RNF170: variants seen among roughly 807,000 people sequenced by gnomAD.
RNF170 encodes ring finger protein 170.
RNF170 carries 12 observed loss-of-function variants against 32.7 expected under a neutral mutation model. The ratio of observed to expected loss-of-function variants is 0.37; its 90% CI spans 0.24 to 0.60. The LOEUF (loss-of-function observed/expected upper bound fraction) is 0.60, where lower values mean the gene tolerates loss of function less well. RNF170 is among the 20% of genes least tolerant of loss of function. The pLI is 0.72. For missense variants in RNF170, 212 were observed against 311.2 expected (o/e 0.68, Z 2.40); for synonymous variants, 91 against 103.6 (o/e 0.88, Z 0.74).
At chr8:42,875,728 C>T (rs1013074936) in intron 2 of RNF170, among the ~76,000 whole-genome samples, 3 of 152,100 alleles carry the variant, frequency 2.0e-5, no homozygotes, top group Non-Finnish European at 4.4e-5. Context: ...GGGCACGTGC[C>T]ACCATGCCTG....
rs913678158 is a variant in RNF170, at chr8:42,855,135, A to G, written c.*1024T>C. On this transcript the variant is annotated 3_prime_UTR_variant, in exon 7 of 7. Coordinates refer to ENST00000527424, the MANE Select transcript of RNF170 (RefSeq NM_030954.4). ...TTCCTAAAACAATCTTCCCTTTACA[A>G]ATTACTTTTATATCTACTACGAAAG... 1.4e-5 allele frequency: 18 copies of G among 1,287,050 alleles called. No individual in the cohort carries two copies. The highest frequency in any genetic ancestry group is 3.2e-4 in the Middle Eastern group (1 of 3,086). 79.7% of individuals were successfully genotyped at this position (1,287,050 alleles called of 1,614,324 possible).
In RNF170 at chr8:42,869,966, C is replaced by T. The variant is rs1378809923; in HGVS notation, c.322+38G>A. On this transcript the variant is annotated intron_variant, in intron 4 of 6. Transcript: ENST00000527424. ...TTGTACACATAGAGGTCTTGGTCTA[C>T]ACAGTCACTTTTCCCAAGTATAGCG... is the stretch of plus-strand genomic sequence containing the variant. The T allele has an allele frequency of 2.1e-6, 3 of 1,450,644 alleles. No individual in the cohort carries two copies. In the Admixed American group the frequency reaches 5.1e-5, roughly 25 times the overall value. 89.9% of individuals were successfully genotyped at this position (1,450,644 alleles called of 1,614,324 possible).
chr8:42,869,852 T>C, intron 4 of RNF170, 152 bp downstream of exon 4: 1 of 694,046 alleles, frequency 1.4e-6, no homozygotes, highest in Non-Finnish European at 2.7e-6. Context: ...TAAGTATACT[T>C]GGTTGACAAG....
chr8:42,880,111 A>C (rs117549760), intron 2 of RNF170, among the ~76,000 whole-genome samples: 218 of 152,360 alleles, frequency 1.4e-3, no homozygotes, highest in Non-Finnish European at 2.6e-3. Flanking sequence ...GATATGGTGG[A>C]AACAGCAAGG....
downstream of RNF170, among the ~76,000 whole-genome samples, chr8:42,852,419 AT>A (rs1278909529): frequency 6.6e-6 from 1 of 151,288 alleles, no homozygotes; most frequent in Non-Finnish European, 1.5e-5. Context: ...TTATTCATTT[AT>A]TTTTTTTTAA....
chr8:42,851,717 A>C (rs1054185321), downstream of RNF170, among the ~76,000 whole-genome samples: 8 of 149,462 alleles, frequency 5.4e-5, no homozygotes, highest in African/African-American at 1.7e-4. Context: ...AAGGCTCACC[A>C]CAGCCTTCAC....
intron 3 of RNF170, among the ~76,000 whole-genome samples, chr8:42,870,847 C>T (rs919163316): frequency 2.6e-5 from 4 of 152,114 alleles, no homozygotes; most frequent in African/African-American, 4.8e-5. Flanking sequence ...ATATCAAAGA[C>T]CTCACTAGGA....
rs949357300 is a variant in RNF170 at position 42,855,336 on chromosome 8, C to T, written c.*823G>A. On this transcript the variant is annotated 3_prime_UTR_variant, in exon 7 of 7. Transcript: ENST00000527424. ...ACGCCATTCTTCTGCCTCAGCCTCC[C>T]GAGTAGCTGGGACTACAGGCGCCTG... The T allele has an allele frequency of 2.0e-5, 17 of 861,644 alleles. No individual in the cohort carries two copies. The highest frequency in any genetic ancestry group is 2.6e-5 in the Non-Finnish European group (16 of 619,028). The allele number at this position is 861,644 out of a possible 1,614,324, so 53.4% of individuals were successfully genotyped here.
intron 5 of RNF170, 35 bp downstream of exon 5, chr8:42,865,381 A>G (rs1269538176): frequency 4.1e-6 from 6 of 1,476,054 alleles, no homozygotes; most frequent in Non-Finnish European, 5.7e-6. Context: ...AAAATAAACT[A>G]GCATAAATGA....
intron 2 of RNF170, among the ~76,000 whole-genome samples, chr8:42,880,026 G>T (rs1805257597): frequency 6.6e-6 from 1 of 152,186 alleles, no homozygotes; most frequent in Non-Finnish European, 1.5e-5. Context: ...ATTAACCGGA[G>T]TTTGGAAGAA....
intron 4 of RNF170, among the ~76,000 whole-genome samples, chr8:42,868,354 T>A (rs1446517914): frequency 6.6e-6 from 1 of 152,222 alleles, no homozygotes; most frequent in Non-Finnish European, 1.5e-5. Flanking sequence ...TGCTACATGT[T>A]AAATTAGTCC....
At chr8:42,896,989 C>CA, upstream of RNF170, 8 of 506,770 alleles carry the variant, frequency 1.6e-5, no homozygotes, top group South Asian at 1.0e-4. Flanking sequence ...GAGCCGCTGC[C>CA]AGCGCTGGGC....
Position 42,882,914 on chromosome 8 carries a change from A to C in RNF170, c.137+4814T>G, listed in dbSNP as rs144248809. Among the ~76,000 whole-genome samples the C allele has an allele frequency of 4.6e-3, 703 of 152,188 alleles. 3 individuals are homozygous for C. Among genetic ancestry groups the C allele is most frequent in the Non-Finnish European group, 8.0e-3 (547 of 67,992 alleles). On this transcript the variant is annotated intron_variant, in intron 2 of 6. Transcript: ENST00000527424. Reference sequence around the variant, plus strand: ...TTGTCTCTACCAAAAATACAAAAAAATAGCTGGCCATGGCGGTGTGTGCCT... The same window carrying C: ...TTGTCTCTACCAAAAATACAAAAAACTAGCTGGCCATGGCGGTGTGTGCCT...
intron 6 of RNF170, among the ~76,000 whole-genome samples, chr8:42,860,779 G>A (rs987701384): frequency 2.0e-5 from 3 of 151,856 alleles, no homozygotes; most frequent in Non-Finnish European, 2.9e-5. Context: ...GTGCAGTGGC[G>A]TGATATCGGC....
chr8:42,873,989 A>G lies in RNF170; in HGVS notation c.155T>C (p.Ile52Thr). 6.3e-7 allele frequency: 1 copy of G among 1,590,448 alleles called. No homozygotes were observed. The highest frequency in any genetic ancestry group is 1.7e-5 in the Admixed American group (1 of 59,986). The part of the protein sequence containing the change: ...YALFRNVHQN[I>T]HPENQELVRV... ...TACTAGCTCCTGGTTTTCTGGGTGA[A>G]TGTTTTGATGTACATTTCTGTTGAA... Residue 52 changes from isoleucine (I) to threonine (T), a missense_variant, in exon 3 of 7, where the codon ATT becomes ACT. Ile to Thr is a moderately conservative substitution (Grantham distance 89). This residue lies in a region of RNF170 where 115 missense variants were observed against 132.3 expected (regional missense o/e 0.87). Coordinates refer to ENST00000527424, the MANE Select transcript of RNF170 (RefSeq NM_030954.4).
rs758846866 is a variant in RNF170, at chr8:42,855,040, C to A, written c.*1119G>T. The stretch of plus-strand genomic sequence containing the variant: ...CCAGTACCTTCCTATTGGCTTGATG[C>A]TCAAAGACACGAAGATTCACCTTCC... On this transcript the variant is annotated 3_prime_UTR_variant, in exon 7 of 7. Coordinates refer to ENST00000527424, the MANE Select transcript of RNF170 (RefSeq NM_030954.4). The A allele has an allele frequency of 1.3e-5, 17 of 1,287,096 alleles. No homozygotes were observed. The Admixed American group carries it at 2.1e-4, about 16-fold the overall frequency. The allele number at this position is 1,287,096 out of a possible 1,614,324, so 79.7% of individuals were successfully genotyped here.
rs570950232 is a variant in RNF170, at chr8:42,872,153, C to T, written c.213+1778G>A. 1.5e-4 allele frequency among the ~76,000 whole-genome samples: 23 copies of T among 152,316 alleles called. No individual in the cohort carries two copies. In the South Asian group the frequency reaches 3.9e-3, roughly 26 times the overall value. ...TCACTCTGAGAGCTGTGTGCTGGGC[C>T]TCAGGAAGAGGTGAGGCAGTTGAGT... On this transcript the variant is annotated intron_variant, in intron 3 of 6. Coordinates refer to ENST00000527424, the MANE Select transcript of RNF170 (RefSeq NM_030954.4).
At chr8:42,869,514 A>G (rs1804367327) in intron 4 of RNF170, among the ~76,000 whole-genome samples, 4 of 152,240 alleles carry the variant, frequency 2.6e-5, no homozygotes, top group Admixed American at 2.6e-4. Flanking sequence ...AGACAGAGAC[A>G]AACAGACTGA....
chr8:42,869,511 GACAA>G (rs1804366857), intron 4 of RNF170, among the ~76,000 whole-genome samples: 1 of 152,220 alleles, frequency 6.6e-6, no homozygotes, highest in Non-Finnish European at 1.5e-5. Flanking sequence ...CAGAGACAGA[GACAA>G]ACAGACTGAG....
Sources: gnomAD v4.1 joint callset for allele counts (sites outside exome capture counted in the v4.1 genomes callset) on GRCh38, gnomAD v4.1.1 for gene constraint, gnomAD v4.1.1 regional missense constraint, MANE v1.5 for transcripts, NCBI Gene and HGNC (gene_info 2026-07-23, HGNC 2026-07-21) for gene names.